TRAPPC6B: variants seen among roughly 807,000 people sequenced by gnomAD.
TRAPPC6B encodes trafficking protein particle complex subunit 6B.
Under a neutral mutation model 24.7 loss-of-function variants are expected in TRAPPC6B, and 27 were observed. The observed-to-expected ratio is 1.09, with a 90% CI of 0.81 to 1.51. The LOEUF (loss-of-function observed/expected upper bound fraction) is 1.51, where lower values mean the gene tolerates loss of function less well. Among genes scored for constraint, TRAPPC6B ranks in the 40% most tolerant of loss-of-function variants. TRAPPC6B has a pLI of 0.00. For missense variants in TRAPPC6B, 212 were observed against 190.8 expected (o/e 1.11, Z -0.66); for synonymous variants, 80 against 66.6 (o/e 1.20, Z -0.98).
chr14:39,169,012 G>C (rs1359950816), intron 1 of TRAPPC6B, among the ~76,000 whole-genome samples: 1 of 152,052 alleles, frequency 6.6e-6, no homozygotes, highest in African/African-American at 2.4e-5. Context: ...ATTCAGTCTA[G>C]TCCAAAGAAA....
At chr14:39,159,368 G>A (rs894634886) in intron 2 of TRAPPC6B, 115 bp downstream of exon 2, 2 of 625,114 alleles carry the variant, frequency 3.2e-6, no homozygotes, top group Non-Finnish European at 5.1e-6. Flanking sequence ...GAAGTAAAGA[G>A]AATAACATTC....
At chr14:39,157,238 A>C (rs145901647) in intron 3 of TRAPPC6B, 7 of 356,164 alleles carry the variant, frequency 2.0e-5, no homozygotes, top group Non-Finnish European at 3.8e-5. Flanking sequence ...TGGCCCCGCT[A>C]TATCAGGTTG....
At chr14:39,167,217 C>T (rs1261063555) in intron 1 of TRAPPC6B, among the ~76,000 whole-genome samples, 1 of 152,096 alleles carries the variant, frequency 6.6e-6, no homozygotes, top group Non-Finnish European at 1.5e-5. Context: ...AATCCATTCA[C>T]CATAAATTGA....
intron 1 of TRAPPC6B, among the ~76,000 whole-genome samples, chr14:39,163,994 A>G (rs762626159): frequency 2.7e-5 from 4 of 150,070 alleles, no homozygotes; most frequent in Non-Finnish European, 4.4e-5. Flanking sequence ...CCCCCCATAC[A>G]CTGTAGTCCG....
chr14:39,162,778 A>T (rs1467676632), intron 1 of TRAPPC6B, among the ~76,000 whole-genome samples: 1 of 152,174 alleles, frequency 6.6e-6, no homozygotes, highest in Admixed American at 6.6e-5. Context: ...TTAAGGCTTG[A>T]AATAGTACCT....
chr14:39,153,320 C>T (rs1566545825), intron 4 of TRAPPC6B, among the ~76,000 whole-genome samples: 2 of 151,726 alleles, frequency 1.3e-5, no homozygotes, highest in South Asian at 4.1e-4. Flanking sequence ...CCTGGATACC[C>T]CAAAAATATA....
chr14:39,159,266 A>C, intron 2 of TRAPPC6B: 1 of 246,326 alleles, frequency 4.1e-6, no homozygotes, highest in Non-Finnish European at 7.5e-6. Flanking sequence ...AAAGTCTAAA[A>C]TATATAAAAT....
At position 39,166,340 on chromosome 14, in the gene TRAPPC6B, G is replaced by A. The variant is rs149204492; in HGVS notation, c.81+3675C>T. ...CTCTTTTTGGAATAATCTGCTCTCTGTAGAATCACCTAGGAACATATTTAT... is the reference window on the plus strand; with the variant it reads ...CTCTTTTTGGAATAATCTGCTCTCTATAGAATCACCTAGGAACATATTTAT... On this transcript the variant is annotated intron_variant, in intron 1 of 5. Transcript: ENST00000330149. 9.2e-5 allele frequency among the ~76,000 whole-genome samples: 14 copies of A among 151,780 alleles called. No individual in the cohort carries two copies. In the East Asian group the frequency reaches 2.7e-3, roughly 29 times the overall value.
chr14:39,163,339 CCA>C (rs1220909421), intron 1 of TRAPPC6B, among the ~76,000 whole-genome samples: 1 of 148,054 alleles, frequency 6.8e-6, no homozygotes, highest in Non-Finnish European at 1.5e-5. Flanking sequence ...CCACTGCACT[CCA>C]GTCTGGGTGA....
At chr14:39,169,079 C>T (rs577181068) in intron 1 of TRAPPC6B, among the ~76,000 whole-genome samples, 1 of 152,244 alleles carries the variant, frequency 6.6e-6, no homozygotes, top group South Asian at 2.1e-4. Flanking sequence ...TTATCTTTGC[C>T]TAGGATACAT....
chr14:39,148,723 T>C lies in TRAPPC6B; in HGVS notation c.*1627A>G, dbSNP rs1296281651. The C allele has an allele frequency of 2.5e-6, 1 of 398,414 alleles. No individual in the cohort carries two copies. The highest frequency in any genetic ancestry group is 4.4e-5 in the Admixed American group (1 of 22,712). 24.7% of individuals were successfully genotyped at this position (398,414 alleles called of 1,614,324 possible). A position where few individuals can be genotyped will look rare whatever the true frequency, so the allele number is the denominator to read the frequency against. On this transcript the variant is annotated 3_prime_UTR_variant, in exon 6 of 6. Transcript: ENST00000330149. ...TAAATTTTTTCAAAATTAAAATTTT[T>C]TCCCCAAAACATGTGAGAATTAGGA... is the stretch of plus-strand genomic sequence containing the variant.
chr14:39,153,254 GA>G (rs562297667), intron 4 of TRAPPC6B, among the ~76,000 whole-genome samples: 2,428 of 114,206 alleles, frequency 0.021, 58 homozygotes, highest in African/African-American at 0.065. Flanking sequence ...CACTCTGTCC[GA>G]AAAAAAAAAA....
At chr14:39,159,603 A>ATACT (rs2053031325) in intron 1 of TRAPPC6B, 53 bp from the exon 2 acceptor site, 1 of 1,336,908 alleles carries the variant, frequency 7.5e-7, no homozygotes, top group Non-Finnish European at 1.0e-6. Context: ...GGATGTTAGT[A>ATACT]TTCAGAAATT....
chr14:39,153,077 G>A (rs1047458860), intron 4 of TRAPPC6B, among the ~76,000 whole-genome samples: 2 of 152,100 alleles, frequency 1.3e-5, no homozygotes, highest in African/African-American at 4.8e-5. Flanking sequence ...TGGATCACGA[G>A]GTCAGGAGTT....
intron 1 of TRAPPC6B, among the ~76,000 whole-genome samples, chr14:39,165,334 G>A (rs548859229): frequency 4.1e-4 from 62 of 152,234 alleles, no homozygotes; most frequent in Non-Finnish European, 6.9e-4. Context: ...GTGAGCCACC[G>A]CGCCTGGCAT....
chr14:39,156,330 A>G (rs1453747421), intron 3 of TRAPPC6B, among the ~76,000 whole-genome samples: 1 of 152,222 alleles, frequency 6.6e-6, no homozygotes, highest in Non-Finnish European at 1.5e-5. Flanking sequence ...AATTAAAAAT[A>G]AATAAATAAA....
chr14:39,151,728 A>G lies in TRAPPC6B; in HGVS notation c.445+18T>C, dbSNP rs774541015. On this transcript the variant is annotated intron_variant, in intron 5 of 5. Transcript: ENST00000330149. ...ACAAATTACTAAAACATTTGTAAGA[A>G]AGGCGAATTCAACTTACAAGCAGGC... 24 of 1,531,024 alleles carry G rather than the reference A, an allele frequency of 1.6e-5. No individual in the cohort carries two copies. In the South Asian group the frequency reaches 2.8e-4, roughly 18 times the overall value. The allele number at this position is 1,531,024 out of a possible 1,614,324, so 94.8% of individuals were successfully genotyped here.
At chr14:39,152,617 G>A (rs1051675098) in intron 4 of TRAPPC6B, among the ~76,000 whole-genome samples, 3 of 152,120 alleles carry the variant, frequency 2.0e-5, no homozygotes, top group African/African-American at 7.2e-5. Flanking sequence ...CTAGATCTGA[G>A]TCATGAAATT....
At chr14:39,153,599 C>G (rs2052940529) in intron 4 of TRAPPC6B, among the ~76,000 whole-genome samples, 1 of 150,684 alleles carries the variant, frequency 6.6e-6, no homozygotes, top group Admixed American at 6.6e-5. Context: ...CCACTACACT[C>G]CAGCCTAGAT....
Sources: allele counts gnomAD v4.1 joint callset (sites outside exome capture counted in the v4.1 genomes callset), GRCh38; gene constraint gnomAD v4.1.1; transcripts MANE v1.5; gene names NCBI Gene and HGNC (gene_info 2026-07-23, HGNC 2026-07-21).